The following TBCK variants were observed in gnomAD, a reference collection of about 807,000 sequenced individuals.
TBCK encodes TBC1 domain containing kinase.
A neutral mutation model predicts 113.4 loss-of-function variants in TBCK; 99 were observed. The ratio of observed to expected loss-of-function variants is 0.87; its 90% CI spans 0.74 to 1.03. TBCK has a LOEUF of 1.03. TBCK is among the 50% of genes least tolerant of loss of function. The probability of loss-of-function intolerance (pLI) is 0.00; values close to 1 mark genes in which losing one functional copy is unlikely to be tolerated. For synonymous variants in TBCK, 369 were observed against 370.8 expected, an observed-to-expected ratio of 1.00 and a Z score of 0.05; for missense variants, 1,045 against 1,061.3, an observed-to-expected ratio of 0.98 and a Z score of 0.21.
At chr4:106,082,826 C>T (rs1396890730) in intron 25 of TBCK, among the ~76,000 whole-genome samples, 3 of 143,762 alleles carry the variant, frequency 2.1e-5, no homozygotes, top group Admixed American at 2.1e-4. Flanking sequence ...GAAGGAAGAG[C>T]AGTGTGGTGT....
chr4:106,213,196 A>G (rs1756373204), intron 19 of TBCK, among the ~76,000 whole-genome samples: 1 of 152,216 alleles, frequency 6.6e-6, no homozygotes, highest in Admixed American at 6.5e-5. Flanking sequence ...TCCTTAAATG[A>G]AGGAGAACAT....
chr4:106,132,440 C>T (rs1267553460), intron 23 of TBCK, among the ~76,000 whole-genome samples: 1 of 152,250 alleles, frequency 6.6e-6, no homozygotes, highest in East Asian at 1.9e-4. Context: ...CAGAAGTGCA[C>T]AGAAGTCAAG....
intron 11 of TBCK, 26 bp downstream of exon 11, chr4:106,244,600 T>C (rs1292495390): frequency 5.3e-6 from 8 of 1,512,238 alleles, no homozygotes; most frequent in Non-Finnish European, 6.2e-6. Context: ...TTTATTTAAA[T>C]TCCCAAGAGA....
At chr4:106,049,367 T>G (rs1734557811) in intron 25 of TBCK, among the ~76,000 whole-genome samples, 1 of 151,994 alleles carries the variant, frequency 6.6e-6, no homozygotes, top group South Asian at 2.1e-4. Context: ...TAACAGGGGC[T>G]GGGGAGCTGG....
Position 106,278,557 on chromosome 4 carries a change from T to TC in TBCK, c.267-16346dup, listed in dbSNP as rs1373881616. Among the ~76,000 whole-genome samples, 54 of 29,440 alleles carry TC rather than the reference T, an allele frequency of 1.8e-3. 1 individual carries two copies. The highest frequency in any genetic ancestry group is 1.9e-3 in the Admixed American group (3 of 1,576). 19.3% of individuals were successfully genotyped at this position (29,440 alleles called of 152,430 possible). A position where few individuals can be genotyped will look rare whatever the true frequency, so the allele number is the denominator to read the frequency against. On this transcript the variant is annotated intron_variant, in intron 3 of 25. Coordinates refer to ENST00000394708, the MANE Select transcript of TBCK (RefSeq NM_001163435.3). ...CTGGGCAACAGAGTGAAACTCTGTC[T>TC]CAAAAAAAAAAAAAAAAAAAAAAAA...
At chr4:106,081,461 C>T (rs927402471) in intron 25 of TBCK, among the ~76,000 whole-genome samples, 23 of 152,184 alleles carry the variant, frequency 1.5e-4, no homozygotes, top group Non-Finnish European at 2.4e-4. Flanking sequence ...GGGAGCTGAA[C>T]GATGGGAACA....
chr4:106,096,770 A>G (rs1178155119), intron 24 of TBCK, among the ~76,000 whole-genome samples: 1 of 152,220 alleles, frequency 6.6e-6, no homozygotes, highest in East Asian at 1.9e-4. Flanking sequence ...AATAAAAGAC[A>G]TAAAAGATAA....
At chr4:106,121,934 A>C (rs1021969752) in intron 23 of TBCK, among the ~76,000 whole-genome samples, 3 of 152,220 alleles carry the variant, frequency 2.0e-5, no homozygotes, top group Admixed American at 6.5e-5. Context: ...AAAGATCTAA[A>C]ATTCACACCC....
In TBCK at chr4:106,231,102, C is replaced by T. The variant is rs528553617; in HGVS notation, c.1690+627G>A. 1.1e-3 allele frequency among the ~76,000 whole-genome samples: 163 copies of T among 151,682 alleles called. 1 individual carries two copies. The highest frequency in any genetic ancestry group is 3.4e-3 in the Middle Eastern group (1 of 292). ...AAAATAGGGAGATCTTCAGATAAGG[C>T]ATCTAGACATTCAAGCTATATACAG... On this transcript the variant is annotated intron_variant, in intron 18 of 25. Coordinates refer to ENST00000394708, the MANE Select transcript of TBCK (RefSeq NM_001163435.3).
chr4:106,302,235 A>C (rs1208955098), intron 2 of TBCK, among the ~76,000 whole-genome samples: 1 of 152,178 alleles, frequency 6.6e-6, no homozygotes, highest in Non-Finnish European at 1.5e-5. Flanking sequence ...GTAGCAGGGC[A>C]GGTCAGGGAA....
At chr4:106,098,057 C>A (rs758181491) in intron 24 of TBCK, among the ~76,000 whole-genome samples, 15 of 151,922 alleles carry the variant, frequency 9.9e-5, no homozygotes, top group Non-Finnish European at 1.9e-4. Flanking sequence ...CAGTGGAAAA[C>A]AAGTATACAT....
chr4:106,250,519 T>A, intron 6 of TBCK, 41 bp from the exon 7 acceptor site: 1 of 1,211,970 alleles, frequency 8.3e-7, no homozygotes, highest in Non-Finnish European at 1.2e-6. Flanking sequence ...AATATTTACA[T>A]GTTTTTTCTA....
upstream of TBCK, chr4:106,316,479 C>T: frequency 2.0e-6 from 3 of 1,478,550 alleles, no homozygotes; most frequent in Non-Finnish European, 2.8e-6. Flanking sequence ...GTAGAACACT[C>T]AGGCTTTCAG....
At position 106,193,754 on chromosome 4, in the gene TBCK, G is replaced by C. The variant is rs1369245276; in HGVS notation, c.1914C>G (p.His638Gln). Reference sequence around the variant, plus strand: ...AGGTATCCCAGAGGTGGAAAATTTTGTGTAGTGGAAATACATCTGTAAAAC... The same window carrying C: ...AGGTATCCCAGAGGTGGAAAATTTTCTGTAGTGGAAATACATCTGTAAAAC... ...LTMFTHVFPL[H>Q]KIFHLWDTLL... The change falls in exon 22 of 26, where the codon CAC (histidine) becomes CAG (glutamine). Residue 638 changes from histidine (H) to glutamine (Q), a missense_variant. By Grantham distance (24) the His-to-Gln change is conservative. Transcript: ENST00000394708. 3 of 1,577,176 alleles carry C rather than the reference G, an allele frequency of 1.9e-6. No homozygotes were observed. Among genetic ancestry groups the C allele is most frequent in the Non-Finnish European group, 2.6e-6 (3 of 1,167,308 alleles).
At chr4:106,179,551 G>A (rs1054013714) in intron 22 of TBCK, among the ~76,000 whole-genome samples, 1 of 152,052 alleles carries the variant, frequency 6.6e-6, no homozygotes, top group South Asian at 2.1e-4. Context: ...TAAATCTGTA[G>A]TTTCTAATGT....
intron 22 of TBCK, among the ~76,000 whole-genome samples, chr4:106,173,245 G>C (rs1433890703): frequency 6.6e-6 from 1 of 152,118 alleles, no homozygotes; most frequent in Admixed American, 6.6e-5. Context: ...ATTTCACAAA[G>C]AAAATACAAA....
chr4:106,304,663 C>T (rs907702439), intron 2 of TBCK, among the ~76,000 whole-genome samples: 7 of 152,068 alleles, frequency 4.6e-5, no homozygotes, highest in African/African-American at 1.7e-4. Flanking sequence ...TGAAGAAAAT[C>T]AGAATATGCC....
At chr4:106,070,700 A>C (rs1737306357) in intron 25 of TBCK, among the ~76,000 whole-genome samples, 1 of 152,104 alleles carries the variant, frequency 6.6e-6, no homozygotes, top group Non-Finnish European at 1.5e-5. Flanking sequence ...ATTGATTGGA[A>C]TAGTTTCAGA....
At chr4:106,246,173 CTA>C (rs1760794713) in intron 10 of TBCK, among the ~76,000 whole-genome samples, 1 of 152,118 alleles carries the variant, frequency 6.6e-6, no homozygotes, top group African/African-American at 2.4e-5. Flanking sequence ...TGCCATTGTG[CTA>C]TATTCATATT....
Sources: gnomAD v4.1 joint callset for allele counts (sites outside exome capture counted in the v4.1 genomes callset) on GRCh38, gnomAD v4.1.1 for gene constraint, MANE v1.5 for transcripts, NCBI Gene and HGNC (gene_info 2026-07-23, HGNC 2026-07-21) for gene names.